The following DPYD variants were observed in gnomAD, a reference collection of about 807,000 sequenced individuals.
DPYD encodes dihydropyrimidine dehydrogenase.
Under a neutral mutation model 116.2 loss-of-function variants are expected in DPYD, and 109 were observed. The ratio of observed to expected loss-of-function variants is 0.94; its 90% CI spans 0.80 to 1.10. The LOEUF (loss-of-function observed/expected upper bound fraction) is 1.10, where lower values mean the gene tolerates loss of function less well. Ranked by LOEUF, DPYD falls within the 50% of genes least tolerant of loss-of-function variation. The pLI, the probability that DPYD is intolerant of heterozygous loss-of-function variation, is 0.00. For missense variants in DPYD, 1,302 were observed against 1,254.5 expected (o/e 1.04, Z -0.57); for synonymous variants, 440 against 432.0 (o/e 1.02, Z -0.23).
At chr1:97,198,894 C>CA (rs1659006706) in intron 19 of DPYD, among the ~76,000 whole-genome samples, 1 of 152,066 alleles carries the variant, frequency 6.6e-6, no homozygotes, top group South Asian at 2.1e-4. Context: ...TACACAGGAG[C>CA]AGAGTAGGTG....
intron 18 of DPYD, among the ~76,000 whole-genome samples, chr1:97,270,802 C>T (rs567662435): frequency 5.0e-4 from 76 of 152,308 alleles, no homozygotes; most frequent in African/African-American, 1.5e-3. Context: ...CAAACTCTTA[C>T]ATATTTCGAG....
intron 18 of DPYD, among the ~76,000 whole-genome samples, chr1:97,274,631 A>C (rs1664820754): frequency 6.6e-6 from 1 of 152,222 alleles, no homozygotes; most frequent in Non-Finnish European, 1.5e-5. Flanking sequence ...CTCATTCATG[A>C]TGATAAAGCA....
chr1:97,251,426 G>GA (rs992276482), intron 18 of DPYD, among the ~76,000 whole-genome samples: 8 of 135,308 alleles, frequency 5.9e-5, no homozygotes, highest in African/African-American at 1.6e-4. Flanking sequence ...AAGAAAAAAA[G>GA]AAAAAAAATG....
At chr1:97,100,739 T>G (rs1650613462) in intron 20 of DPYD, among the ~76,000 whole-genome samples, 1 of 152,076 alleles carries the variant, frequency 6.6e-6, no homozygotes, top group South Asian at 2.1e-4. Context: ...ATGCAGACAA[T>G]GAATGTAGTT....
intron 12 of DPYD, chr1:97,545,881 C>A: frequency 9.3e-7 from 1 of 1,071,232 alleles, no homozygotes; most frequent in Non-Finnish European, 1.5e-6. Context: ...GGTTTCTAAT[C>A]ATAAGAAGTA....
chr1:97,555,502 T>C (rs1418069665), intron 11 of DPYD, among the ~76,000 whole-genome samples: 2 of 152,092 alleles, frequency 1.3e-5, no homozygotes, highest in Admixed American at 1.3e-4. Flanking sequence ...TCATGATTTA[T>C]TATTGGTGAC....
intron 20 of DPYD, among the ~76,000 whole-genome samples, chr1:97,181,088 T>C (rs917704611): frequency 2.0e-5 from 3 of 152,168 alleles, no homozygotes; most frequent in East Asian, 3.9e-4. Flanking sequence ...TCTCATCCTA[T>C]ATCTCAATGT....
chr1:97,672,522 T>C (rs925371783), intron 8 of DPYD, among the ~76,000 whole-genome samples: 1 of 152,174 alleles, frequency 6.6e-6, no homozygotes, highest in African/African-American at 2.4e-5. Flanking sequence ...AAAAGTAGAT[T>C]GGCAAAATAC....
At chr1:97,254,350 G>A (rs1178823185) in intron 18 of DPYD, among the ~76,000 whole-genome samples, 1 of 151,960 alleles carries the variant, frequency 6.6e-6, no homozygotes, top group African/African-American at 2.4e-5. Flanking sequence ...AAAAACGAAA[G>A]GAAAAATCCT....
chr1:97,269,880 T>A (rs371608262), intron 18 of DPYD, among the ~76,000 whole-genome samples: 2 of 152,124 alleles, frequency 1.3e-5, no homozygotes, highest in South Asian at 2.1e-4. Flanking sequence ...GGGGCACAAT[T>A]CAGTACACAG....
chr1:97,511,137 C>T (rs949208795), intron 13 of DPYD, among the ~76,000 whole-genome samples: 1 of 151,926 alleles, frequency 6.6e-6, no homozygotes, highest in African/African-American at 2.4e-5. Context: ...AAATTGCCAA[C>T]CCACATGACT....
At position 97,227,490 on chromosome 1, in the gene DPYD, T is replaced by C. The variant is rs193177710; in HGVS notation, c.2442+7362A>G. Among the ~76,000 whole-genome samples, 636 of 152,088 alleles carry C rather than the reference T, an allele frequency of 4.2e-3. 8 individuals are homozygous for C. The highest frequency in any genetic ancestry group is 0.015 in the African/African-American group (615 of 41,518). On this transcript the variant is annotated intron_variant, in intron 19 of 22. Transcript: ENST00000370192. ...GCTGATGTGATTACTATGCATTGCA[T>C]GCTTATATTAAAATAGCTCACATAA...
chr1:97,290,466 TG>T, intron 18 of DPYD, among the ~76,000 whole-genome samples: 1 of 152,176 alleles, frequency 6.6e-6, no homozygotes, highest in South Asian at 2.1e-4. Flanking sequence ...CAAAACAGCA[TG>T]GTACTGGTAC....
chr1:97,198,701 A>T (rs1331183570), intron 19 of DPYD, among the ~76,000 whole-genome samples: 2 of 152,178 alleles, frequency 1.3e-5, no homozygotes, highest in Non-Finnish European at 1.5e-5. Flanking sequence ...ATAGCTGTTA[A>T]CATGTTTGCT....
intron 14 of DPYD, among the ~76,000 whole-genome samples, chr1:97,438,403 ATTG>A (rs1344270098): frequency 2.0e-5 from 3 of 151,958 alleles, no homozygotes; most frequent in African/African-American, 2.4e-5. Context: ...TCAGAAATGG[ATTG>A]TTGTTTTCAG....
intron 16 of DPYD, among the ~76,000 whole-genome samples, chr1:97,309,934 A>G (rs1327122343): frequency 1.3e-5 from 2 of 151,766 alleles, no homozygotes; most frequent in Non-Finnish European, 2.9e-5. Flanking sequence ...TGACCTCTTC[A>G]TTGTAGAGCA....
intron 13 of DPYD, among the ~76,000 whole-genome samples, chr1:97,509,233 C>T (rs1159903461): frequency 1.3e-5 from 2 of 151,928 alleles, no homozygotes; most frequent in Non-Finnish European, 2.9e-5. Flanking sequence ...GCAATAGGTA[C>T]GTGATGCTGA....
intron 16 of DPYD, among the ~76,000 whole-genome samples, chr1:97,367,467 T>C (rs897399735): frequency 4.6e-5 from 7 of 152,152 alleles, no homozygotes; most frequent in African/African-American, 1.4e-4. Context: ...CAGGACTTCA[T>C]ACATCTCCCT....
At chr1:97,116,312 G>T (rs1025560887) in intron 20 of DPYD, among the ~76,000 whole-genome samples, 1 of 152,050 alleles carries the variant, frequency 6.6e-6, no homozygotes, top group Non-Finnish European at 1.5e-5. Context: ...CTTTTAACGG[G>T]GGGGCTATAG....
Sources: gnomAD v4.1 joint callset for allele counts (sites outside exome capture counted in the v4.1 genomes callset) on GRCh38, gnomAD v4.1.1 for gene constraint, MANE v1.5 for transcripts, NCBI Gene and HGNC (gene_info 2026-07-23, HGNC 2026-07-21) for gene names.